MYOCD: variants seen among roughly 807,000 people sequenced by gnomAD.
MYOCD encodes the protein myocardin.
MYOCD carries 32 observed loss-of-function variants against 96.1 expected under a neutral mutation model. That is an observed-to-expected ratio of 0.33 (90% CI 0.25 to 0.45). The LOEUF is 0.45. Among genes scored for constraint, MYOCD ranks in the 20% least tolerant of loss-of-function variants. The pLI is 1.00. For missense variants in MYOCD, 1,133 were observed against 1,200.6 expected (o/e 0.94, Z 0.83); for synonymous variants, 469 against 469.0 (o/e 1.00, Z 0.00).
intron 5 of MYOCD, among the ~76,000 whole-genome samples, chr17:12,727,139 T>C (rs1372174932): frequency 6.6e-6 from 1 of 152,146 alleles, no homozygotes; most frequent in Non-Finnish European, 1.5e-5. Flanking sequence ...CACGCAGTAG[T>C]GTTTAACATA....
intron 1 of MYOCD, among the ~76,000 whole-genome samples, chr17:12,668,642 G>A (rs188686682): frequency 3.6e-4 from 55 of 151,994 alleles, no homozygotes; most frequent in Admixed American, 3.5e-3. Context: ...AGGGTGTCCT[G>A]GTTGAGTGCG....
Position 12,722,007 on chromosome 17 carries a change from C to A in MYOCD, c.254-840C>A, listed in dbSNP as rs544074782. Among the ~76,000 whole-genome samples the A allele has an allele frequency of 3.3e-5, 5 of 152,290 alleles. No individual in the cohort carries two copies. In the South Asian group the frequency reaches 1.0e-3, roughly 32 times the overall value. On this transcript the variant is annotated intron_variant, in intron 4 of 13. Coordinates refer to ENST00000425538, the MANE Select transcript of MYOCD (RefSeq NM_001146312.3). ...GAGAGTTCTAGATCAGTGCCAGACA[C>A]AGGGTCTGGGATTAGCAGGTTGATA...
At chr17:12,694,672 G>A (rs2030649551) in intron 1 of MYOCD, among the ~76,000 whole-genome samples, 1 of 152,058 alleles carries the variant, frequency 6.6e-6, no homozygotes, top group Non-Finnish European at 1.5e-5. Context: ...AACCTTTTAG[G>A]AGAGCTATTG....
intron 11 of MYOCD, 138 bp downstream of exon 11, chr17:12,756,695 C>CAAAAAAA (rs11307445): frequency 2.1e-4 from 30 of 142,202 alleles, no homozygotes; most frequent in African/African-American, 7.0e-4. Flanking sequence ...GACTGCATCT[C>CAAAAAAA]AAAAAAAAAA....
chr17:12,690,588 T>TA (rs1294570397), intron 1 of MYOCD, among the ~76,000 whole-genome samples: 1 of 152,192 alleles, frequency 6.6e-6, no homozygotes, highest in Non-Finnish European at 1.5e-5. Context: ...CAAAATAGTA[T>TA]AAAAAATGGT....
chr17:12,719,080 C>CCG (rs1182459994), intron 4 of MYOCD, among the ~76,000 whole-genome samples: 1 of 145,900 alleles, frequency 6.9e-6, no homozygotes, highest in East Asian at 2.1e-4. Context: ...GAGGCTGAAG[C>CCG]AGGAGAATTG....
At chr17:12,741,436 G>A (rs1257808452) in intron 7 of MYOCD, among the ~76,000 whole-genome samples, 10 of 152,190 alleles carry the variant, frequency 6.6e-5, no homozygotes, top group Non-Finnish European at 1.3e-4. Flanking sequence ...AGTGGAGCAT[G>A]GTGGCTCACG....
Position 12,732,994 on chromosome 17 carries a change from G to T in MYOCD, c.416-3167G>T, listed in dbSNP as rs527713461. On this transcript the variant is annotated intron_variant, in intron 5 of 13. Coordinates refer to ENST00000425538, the MANE Select transcript of MYOCD (RefSeq NM_001146312.3). ...TTCAGCTATTTTGTGGAATTCTGGA[G>T]ACAGCCTTAGCATATGACCTATGTA... Among the ~76,000 whole-genome samples the T allele has an allele frequency of 2.6e-5, 4 of 152,262 alleles. 1 individual carries two copies. Among genetic ancestry groups the T allele is most frequent in the African/African-American group, 9.6e-5 (4 of 41,558 alleles).
chr17:12,691,481 G>T (rs2030443063), intron 1 of MYOCD, among the ~76,000 whole-genome samples: 1 of 152,114 alleles, frequency 6.6e-6, no homozygotes, highest in Non-Finnish European at 1.5e-5. Context: ...TCACCCAGCT[G>T]CCTGTTGGCT....
At chr17:12,739,030 C>CAT (rs1473692656) in intron 6 of MYOCD, among the ~76,000 whole-genome samples, 173 bp from the exon 7 acceptor site, 6 of 152,212 alleles carry the variant, frequency 3.9e-5, no homozygotes, top group South Asian at 2.1e-4. Context: ...TACACACACA[C>CAT]ATATATACAC....
intron 12 of MYOCD, among the ~76,000 whole-genome samples, chr17:12,759,582 C>A (rs1020416106): frequency 6.6e-6 from 1 of 152,104 alleles, no homozygotes; most frequent in African/African-American, 2.4e-5. Context: ...TTTGTTCTCC[C>A]CATTCCTCTC....
chr17:12,674,546 A>G (rs1460506021), intron 1 of MYOCD, among the ~76,000 whole-genome samples: 1 of 152,246 alleles, frequency 6.6e-6, no homozygotes, highest in Admixed American at 6.5e-5. Context: ...GACATTAAAC[A>G]TAGTTATATA....
chr17:12,719,771 G>T (rs1722186549), intron 4 of MYOCD, among the ~76,000 whole-genome samples: 1 of 150,374 alleles, frequency 6.7e-6, no homozygotes, highest in African/African-American at 2.4e-5. Flanking sequence ...GGAGGCTGAG[G>T]CAGGAGAATC....
rs768931054 is a variant in MYOCD, at chr17:12,756,457, A to G, written c.2102A>G (p.His701Arg). The change falls in exon 11 of 14, where the codon CAT becomes CGT. Residue 701 changes from histidine to arginine, a missense_variant. Transcript: ENST00000425538. ...HDGHPPSFSP[H>R]SSSLHPPFSG... ...GGCCATCCTCCAAGCTTCTCTCCCC[A>G]TTCTTCCAGCCTCCACCCGCCCTTC... is the stretch of plus-strand genomic sequence containing the variant. 61 of 1,551,894 alleles carry G rather than the reference A, an allele frequency of 3.9e-5. No individual in the cohort carries two copies. In the African/African-American group the frequency reaches 7.8e-4, roughly 20 times the overall value.
chr17:12,690,127 T>C (rs1288204655), intron 1 of MYOCD, among the ~76,000 whole-genome samples: 1 of 152,128 alleles, frequency 6.6e-6, no homozygotes, highest in East Asian at 1.9e-4. Flanking sequence ...TGACTGACTA[T>C]GTTTAATGTA....
At chr17:12,667,892 A>G (rs1033809797) in intron 1 of MYOCD, among the ~76,000 whole-genome samples, 3 of 151,992 alleles carry the variant, frequency 2.0e-5, no homozygotes, top group African/African-American at 7.3e-5. Flanking sequence ...CTTTTGTGTC[A>G]TAAGGAAAGG....
intron 5 of MYOCD, among the ~76,000 whole-genome samples, chr17:12,732,657 C>T (rs750053468): frequency 1.3e-5 from 2 of 152,182 alleles, no homozygotes; most frequent in African/African-American, 2.4e-5. Flanking sequence ...TGGAGTTAAA[C>T]GCAACAATTT....
At chr17:12,715,311 G>A (rs200462449) in intron 2 of MYOCD, among the ~76,000 whole-genome samples, 1 of 13,338 alleles carries the variant, frequency 7.5e-5, no homozygotes, top group African/African-American at 1.8e-4. Context: ...GCTACTCCCC[G>A]TTTGAGGCTT....
Position 12,736,235 on chromosome 17 carries a change from C to T in MYOCD, c.490C>T (p.Pro164Ser), listed in dbSNP as rs1443539157. Residue 164 changes from proline to serine, a missense_variant, in exon 6 of 14, where the codon CCG (proline) becomes TCG (serine). Coordinates refer to ENST00000425538, the MANE Select transcript of MYOCD (RefSeq NM_001146312.3). The stretch of plus-strand genomic sequence containing the variant: ...GGACAGCAGCAGCGATGGGCTTTCT[C>T]CGGATCAGACTCGAAGTGAAGACCC... ...EEDSSSDGLS[P>S]DQTRSEDPQN... 5 of 1,614,076 alleles carry T rather than the reference C, an allele frequency of 3.1e-6. No individual in the cohort carries two copies. In the African/African-American group the frequency reaches 6.7e-5, roughly 22 times the overall value.
Sources: allele counts gnomAD v4.1 joint callset (sites outside exome capture counted in the v4.1 genomes callset), GRCh38; gene constraint gnomAD v4.1.1; transcripts MANE v1.5; gene names NCBI Gene and HGNC (gene_info 2026-07-23, HGNC 2026-07-21).